IL15: variants seen among roughly 807,000 people sequenced by gnomAD.
IL15 encodes the protein interleukin-15.
Under a neutral mutation model 19.6 loss-of-function variants are expected in IL15, and 11 were observed. That is an observed-to-expected ratio of 0.56 (90% confidence interval 0.35 to 0.93). The LOEUF is 0.93. Among genes scored for constraint, IL15 ranks in the 40% least tolerant of loss-of-function variants. The probability of loss-of-function intolerance (pLI) is 0.01; values close to 1 mark genes in which losing one functional copy is unlikely to be tolerated. For synonymous variants in IL15, 58 were observed against 59.6 expected (o/e 0.97, Z 0.12); for missense variants, 197 against 186.5 (o/e 1.06, Z -0.33).
intron 2 of IL15, among the ~76,000 whole-genome samples, chr4:141,701,544 T>G (rs1268096180): frequency 6.6e-6 from 1 of 152,210 alleles, no homozygotes; most frequent in Non-Finnish European, 1.5e-5. Flanking sequence ...TGATGTATAC[T>G]TTATTTATTT....
At chr4:141,682,058 C>A (rs1486010073) in intron 2 of IL15, among the ~76,000 whole-genome samples, 2 of 152,180 alleles carry the variant, frequency 1.3e-5, no homozygotes, top group Admixed American at 1.3e-4. Context: ...TTAGATGCAA[C>A]TTTTGAGCTA....
At chr4:141,701,739 T>A (rs1729326427) in intron 2 of IL15, among the ~76,000 whole-genome samples, 1 of 152,136 alleles carries the variant, frequency 6.6e-6, no homozygotes, top group Admixed American at 6.5e-5. Flanking sequence ...GTCCTGAGGT[T>A]GTACCAGGAT....
In IL15 at chr4:141,689,267, C is replaced by T. The variant is rs1019951421; in HGVS notation, c.-99-30099C>T. On this transcript the variant is annotated intron_variant, in intron 2 of 7. Coordinates refer to ENST00000320650, the MANE Select transcript of IL15 (RefSeq NM_000585.5). ...CCTGAGCAGGTTGCCACTGCTGGCT[C>T]CGGCAGCCTGCTTTTATTCTCTTAT... Among the ~76,000 whole-genome samples the T allele has an allele frequency of 3.3e-5, 5 of 152,312 alleles. No homozygotes were observed. The South Asian group carries it at 6.2e-4, about 19-fold the overall frequency.
intron 2 of IL15, among the ~76,000 whole-genome samples, chr4:141,666,734 C>T (rs72615958): frequency 2.6e-5 from 4 of 152,110 alleles, no homozygotes; most frequent in South Asian, 2.1e-4. Flanking sequence ...CATCTTCCCC[C>T]CTTTGTGTCT....
chr4:141,667,842 A>C (rs781691523), intron 2 of IL15, among the ~76,000 whole-genome samples: 3 of 152,216 alleles, frequency 2.0e-5, no homozygotes, highest in Admixed American at 6.5e-5. Context: ...TGGATTAGAC[A>C]TACATGCATA....
chr4:141,648,442 C>T (rs1727300491), intron 1 of IL15, among the ~76,000 whole-genome samples: 1 of 151,994 alleles, frequency 6.6e-6, no homozygotes, highest in African/African-American at 2.4e-5. Context: ...GAAATCCTTT[C>T]ATTTTCTTTA....
At position 141,731,597 on chromosome 4, in the gene IL15, G is replaced by A. The variant is rs550177466; in HGVS notation, c.379-1141G>A. ...GAGTGTGACATACGTGCTGGAATGC[G>A]TGGGCAGGACTGCACAGTCAGAAGA... On this transcript the variant is annotated intron_variant, in intron 7 of 7. Transcript: ENST00000320650. 3.3e-5 allele frequency among the ~76,000 whole-genome samples: 5 copies of A among 152,276 alleles called. No homozygotes were observed. In the East Asian group the frequency reaches 5.8e-4, roughly 18 times the overall value.
rs756754951 is a variant in IL15, at chr4:141,722,055, G to T, written c.195+47G>T. Reference sequence around the variant, plus strand: ...AAATGCCTGGTATAACTGCTATGGAGTTTGTCTCTCTCTGTGTTTTTCTGT... The same window carrying T: ...AAATGCCTGGTATAACTGCTATGGATTTTGTCTCTCTCTGTGTTTTTCTGT... On this transcript the variant is annotated intron_variant, in intron 5 of 7. Transcript: ENST00000320650. The T allele has an allele frequency of 2.7e-6, 4 of 1,497,358 alleles. No homozygotes were observed. The South Asian group carries it at 5.6e-5, about 21-fold the overall frequency. 92.8% of individuals were successfully genotyped at this position (1,497,358 alleles called of 1,614,324 possible).
Position 141,732,780 on chromosome 4 carries a change from G to A in IL15, c.421G>A (p.Glu141Lys). Residue 141 changes from glutamate to lysine, a missense_variant, in exon 8 of 8, where the codon GAA (glutamate) becomes AAA (lysine). Coordinates refer to ENST00000320650, the MANE Select transcript of IL15 (RefSeq NM_000585.5). ...ATGCAAAGAATGTGAGGAACTGGAG[G>A]AAAAAAATATTAAAGAATTTTTGCA... ...SGCKECEELE[E>K]KNIKEFLQSF... is the part of the protein sequence containing the mutation. The A allele has an allele frequency of 1.2e-6, 2 of 1,612,570 alleles. No homozygotes were observed. Among genetic ancestry groups the A allele is most frequent in the South Asian group, 2.2e-5 (2 of 90,634 alleles).
intron 2 of IL15, among the ~76,000 whole-genome samples, chr4:141,695,272 CTTTTTTTTTTTT>C (rs34115620): frequency 3.2e-5 from 2 of 62,586 alleles, no homozygotes; most frequent in East Asian, 6.1e-4. Flanking sequence ...TCTATGATAC[CTTTTTTTTTTTT>C]TTTTTTTTTT....
At chr4:141,672,366 T>C (rs1728203503) in intron 2 of IL15, among the ~76,000 whole-genome samples, 1 of 152,254 alleles carries the variant, frequency 6.6e-6, no homozygotes, top group Admixed American at 6.5e-5. Flanking sequence ...TATCTAAGTA[T>C]ATAACCAATG....
chr4:141,714,183 A>G (rs1729797534), intron 2 of IL15, among the ~76,000 whole-genome samples: 1 of 152,138 alleles, frequency 6.6e-6, no homozygotes, highest in African/African-American at 2.4e-5. Flanking sequence ...AATGGAAGTA[A>G]TAGTAGAAAA....
chr4:141,670,159 C>T (rs1728124224), intron 2 of IL15, among the ~76,000 whole-genome samples: 1 of 151,422 alleles, frequency 6.6e-6, no homozygotes, highest in South Asian at 2.1e-4. Flanking sequence ...AAAATAGTTT[C>T]AGAAAATTTC....
At chr4:141,645,378 A>G (rs1727192975) in intron 1 of IL15, among the ~76,000 whole-genome samples, 1 of 152,152 alleles carries the variant, frequency 6.6e-6, no homozygotes. Flanking sequence ...CTCCAACCTG[A>G]GAGCACATGT....
chr4:141,667,072 G>A (rs1477986108), intron 2 of IL15, among the ~76,000 whole-genome samples: 2 of 152,188 alleles, frequency 1.3e-5, no homozygotes, highest in Admixed American at 1.3e-4. Flanking sequence ...ATCCACGTGC[G>A]GGTGGGTGGC....
At chr4:141,673,680 T>C (rs1728247710) in intron 2 of IL15, among the ~76,000 whole-genome samples, 1 of 152,194 alleles carries the variant, frequency 6.6e-6, no homozygotes, top group Non-Finnish European at 1.5e-5. Context: ...AAAATATATT[T>C]CAACTCACCT....
At chr4:141,683,700 C>T (rs1488278469) in intron 2 of IL15, among the ~76,000 whole-genome samples, 1 of 152,050 alleles carries the variant, frequency 6.6e-6, no homozygotes. Context: ...TTTATCTTGT[C>T]CATATATTAG....
intron 1 of IL15, among the ~76,000 whole-genome samples, chr4:141,639,940 A>G (rs992656798): frequency 1.3e-5 from 2 of 152,194 alleles, no homozygotes; most frequent in Admixed American, 6.5e-5. Flanking sequence ...ATTAAATACT[A>G]TCAACTATAT....
intron 2 of IL15, among the ~76,000 whole-genome samples, chr4:141,664,638 T>A (rs1182674138): frequency 6.6e-6 from 1 of 152,152 alleles, no homozygotes; most frequent in East Asian, 1.9e-4. Context: ...AAGACACCAG[T>A]TGTTATTTGA....
Sources: allele counts gnomAD v4.1 joint callset (sites outside exome capture counted in the v4.1 genomes callset), GRCh38; gene constraint gnomAD v4.1.1; transcripts MANE v1.5; gene names NCBI Gene and HGNC (gene_info 2026-07-23, HGNC 2026-07-21).